The following SETBP1 variants were observed in gnomAD, a reference collection of about 807,000 sequenced individuals.
The protein encoded by SETBP1 is SET-binding protein.
In SETBP1, 9 loss-of-function variants were observed where a neutral mutation model predicts 101.0. The ratio of observed to expected loss-of-function variants is 0.09; its 90% CI spans 0.05 to 0.16. The LOEUF (loss-of-function observed/expected upper bound fraction) is 0.16, where lower values mean the gene tolerates loss of function less well. Ranked by LOEUF, SETBP1 falls within the 10% of genes least tolerant of loss-of-function variation. SETBP1 has a pLI of 1.00. For synonymous variants in SETBP1, 818 were observed against 788.5 expected (o/e 1.04, Z -0.63); for missense variants, 1,858 against 2,033.8 (o/e 0.91, Z 1.66).
intron 4 of SETBP1, among the ~76,000 whole-genome samples, chr18:45,020,945 C>T (rs1450405482): frequency 2.6e-5 from 4 of 152,178 alleles, no homozygotes; most frequent in East Asian, 1.9e-4. Flanking sequence ...CTTTCTATAG[C>T]GGTCAGAAAT....
At chr18:44,943,987 A>C (rs549363545) in intron 3 of SETBP1, among the ~76,000 whole-genome samples, 1 of 151,970 alleles carries the variant, frequency 6.6e-6, no homozygotes, top group South Asian at 2.1e-4. Context: ...GGTGCACGCC[A>C]TGATACCCAT....
At chr18:44,960,609 G>A (rs149756822) in intron 4 of SETBP1, among the ~76,000 whole-genome samples, 39 of 152,166 alleles carry the variant, frequency 2.6e-4, no homozygotes, top group African/African-American at 8.4e-4. Context: ...CTCCCAAAGC[G>A]CTGGAATTAT....
chr18:44,695,859 CT>C (rs749678683), intron 1 of SETBP1, among the ~76,000 whole-genome samples: 1,973 of 141,918 alleles, frequency 0.014, 44 homozygotes, highest in African/African-American at 0.045. Context: ...GGGAAACCAC[CT>C]TTTTTTTTTT....
At chr18:44,932,307 C>T (rs1054176012) in intron 3 of SETBP1, among the ~76,000 whole-genome samples, 22 of 152,286 alleles carry the variant, frequency 1.4e-4, no homozygotes, top group East Asian at 3.9e-4. Context: ...CTGAGAGATC[C>T]GCTGTTAGTC....
At chr18:44,982,437 C>T (rs1419693553) in intron 4 of SETBP1, among the ~76,000 whole-genome samples, 1 of 152,192 alleles carries the variant, frequency 6.6e-6, no homozygotes, top group Non-Finnish European at 1.5e-5. Flanking sequence ...GTATTCCCTG[C>T]CTAAACTCTT....
intron 2 of SETBP1, among the ~76,000 whole-genome samples, chr18:44,773,986 T>G (rs1041712234): frequency 6.6e-6 from 1 of 152,094 alleles, no homozygotes; most frequent in Non-Finnish European, 1.5e-5. Flanking sequence ...CAACCACTTA[T>G]AGGTGCCTGG....
intron 4 of SETBP1, among the ~76,000 whole-genome samples, chr18:45,035,104 A>C (rs2073370965): frequency 6.6e-6 from 1 of 152,276 alleles, no homozygotes; most frequent in Non-Finnish European, 1.5e-5. Context: ...CACTCTCCCA[A>C]GGACCAGTAC....
chr18:44,841,398 T>C (rs1444055260), intron 2 of SETBP1, among the ~76,000 whole-genome samples: 1 of 152,186 alleles, frequency 6.6e-6, no homozygotes, highest in Non-Finnish European at 1.5e-5. Flanking sequence ...TGACCTTGTC[T>C]TGGAAATCAC....
intron 2 of SETBP1, among the ~76,000 whole-genome samples, chr18:44,803,849 A>C (rs1030411734): frequency 6.6e-6 from 1 of 152,178 alleles, no homozygotes; most frequent in Non-Finnish European, 1.5e-5. Flanking sequence ...TACTGTTTTC[A>C]GGAAGAAAAC....
chr18:44,753,264 A>G (rs1250057829), intron 2 of SETBP1, among the ~76,000 whole-genome samples: 1 of 152,118 alleles, frequency 6.6e-6, no homozygotes, highest in Non-Finnish European at 1.5e-5. Flanking sequence ...TGGGTTCATC[A>G]CAGAAGAATG....
At chr18:45,013,517 G>T (rs371076840) in intron 4 of SETBP1, among the ~76,000 whole-genome samples, 2 of 151,810 alleles carry the variant, frequency 1.3e-5, no homozygotes, top group African/African-American at 2.4e-5. Flanking sequence ...TGGGCTCATC[G>T]CAACTTCTGC....
rs1180986323 is a variant in SETBP1, at chr18:44,953,194, A to C, written c.3854A>C (p.Asn1285Thr). Reference sequence around the variant, plus strand: ...AACCTGGACGTGTTCAGTGAAATGAACCCTTCGAATGACAAGTGGGACAGT... The same window carrying C: ...AACCTGGACGTGTTCAGTGAAATGACCCCTTCGAATGACAAGTGGGACAGT... ...SENLDVFSEMNPSNDKWDSDV... is the reference protein window; with the variant it reads ...SENLDVFSEMTPSNDKWDSDV... Residue 1285 changes from asparagine (N) to threonine (T), a missense_variant, in exon 4 of 6, where the codon AAC becomes ACC. By Grantham distance (65) the Asn-to-Thr change is moderately conservative. Around this residue, in one of 12 missense-constraint regions of SETBP1, gnomAD observed 417 missense variants for 389.1 expected, o/e 1.07. Transcript: ENST00000649279. The C allele has an allele frequency of 3.1e-6, 5 of 1,613,994 alleles. No individual in the cohort carries two copies. The Admixed American group carries it at 8.3e-5, about 27-fold the overall frequency.
intron 4 of SETBP1, among the ~76,000 whole-genome samples, chr18:44,979,414 C>T (rs770950417): frequency 7.2e-5 from 11 of 152,150 alleles, no homozygotes; most frequent in African/African-American, 1.2e-4. Context: ...TATAACATTT[C>T]GTTCAGTTCG....
At chr18:44,703,107 A>G (rs2069146223) in intron 2 of SETBP1, among the ~76,000 whole-genome samples, 1 of 152,176 alleles carries the variant, frequency 6.6e-6, no homozygotes, top group Non-Finnish European at 1.5e-5. Flanking sequence ...GCCTTGGTAT[A>G]GTAAGTTTTT....
At chr18:44,864,918 G>C (rs1051856736) in intron 2 of SETBP1, among the ~76,000 whole-genome samples, 3 of 151,938 alleles carry the variant, frequency 2.0e-5, no homozygotes, top group African/African-American at 4.8e-5. Flanking sequence ...AGTGGAGATA[G>C]GGTTCAAGCA....
chr18:45,013,927 G>A (rs2072891492), intron 4 of SETBP1, among the ~76,000 whole-genome samples: 1 of 152,140 alleles, frequency 6.6e-6, no homozygotes, highest in Non-Finnish European at 1.5e-5. Context: ...AAGACACTTG[G>A]GAATACACAG....
chr18:44,907,642 A>G (rs187090038), intron 3 of SETBP1, among the ~76,000 whole-genome samples: 1 of 152,302 alleles, frequency 6.6e-6, no homozygotes, highest in Admixed American at 6.5e-5. Flanking sequence ...TTCTGGCCAT[A>G]TGTATATTTT....
rs2073992562 is a variant in SETBP1, at chr18:45,068,119, G to A, written c.*4421G>A. The stretch of plus-strand genomic sequence containing the variant: ...GGTTTTTAAAAGCCTTTTTTAAAGT[G>A]TAATTTGCATGTTCTACTTTGATTG... On this transcript the variant is annotated 3_prime_UTR_variant, in exon 6 of 6. Coordinates refer to ENST00000649279, the MANE Select transcript of SETBP1 (RefSeq NM_015559.3). The A allele has an allele frequency of 1.3e-5, 2 of 152,166 alleles. No individual in the cohort carries two copies. Among genetic ancestry groups the A allele is most frequent in the Admixed American group, 1.3e-4 (2 of 15,274 alleles). The allele number at this position is 152,166 out of a possible 1,614,324, so 9.4% of individuals were successfully genotyped here.
At chr18:44,808,150 T>C (rs896728812) in intron 2 of SETBP1, among the ~76,000 whole-genome samples, 2 of 152,220 alleles carry the variant, frequency 1.3e-5, no homozygotes, top group African/African-American at 4.8e-5. Flanking sequence ...ACAGCTTTTC[T>C]GTTAATAACT....
Sources: gnomAD v4.1 joint callset for allele counts (sites outside exome capture counted in the v4.1 genomes callset) on GRCh38, gnomAD v4.1.1 for gene constraint, gnomAD v4.1.1 regional missense constraint, MANE v1.5 for transcripts, NCBI Gene and HGNC (gene_info 2026-07-23, HGNC 2026-07-21) for gene names.